EML5: variants seen among roughly 807,000 people sequenced by gnomAD.
The protein encoded by EML5 is echinoderm microtubule-associated protein-like 5.
A neutral mutation model predicts 250.0 loss-of-function variants in EML5; 120 were observed. That is an observed-to-expected ratio of 0.48 (90% CI 0.41 to 0.56). EML5 has a LOEUF of 0.56. Among genes scored for constraint, EML5 ranks in the 20% least tolerant of loss-of-function variants. EML5 has a pLI of 0.00. For missense variants in EML5, 2,006 were observed against 2,437.6 expected, an observed-to-expected ratio of 0.82 and a Z score of 3.73; for synonymous variants, 771 against 806.5, an observed-to-expected ratio of 0.96 and a Z score of 0.75.
intron 20 of EML5, among the ~76,000 whole-genome samples, chr14:88,684,754 C>A (rs1328850892): frequency 6.6e-6 from 1 of 151,864 alleles, no homozygotes; most frequent in East Asian, 1.9e-4. Flanking sequence ...TATTTACTGA[C>A]ACCCAATCAT....
intron 21 of EML5, among the ~76,000 whole-genome samples, chr14:88,679,882 T>C (rs572313171): frequency 9.2e-5 from 14 of 152,252 alleles, no homozygotes; most frequent in East Asian, 5.8e-4. Flanking sequence ...GAATAGTGTA[T>C]AGTATAGTGT....
chr14:88,718,187 T>C (rs2093532775), intron 8 of EML5, among the ~76,000 whole-genome samples: 1 of 152,180 alleles, frequency 6.6e-6, no homozygotes, highest in Non-Finnish European at 1.5e-5. Context: ...GTTTTGGAAA[T>C]GCTGAGTTGC....
At chr14:88,732,773 T>C (rs1382544011) in intron 7 of EML5, among the ~76,000 whole-genome samples, 2 of 152,214 alleles carry the variant, frequency 1.3e-5, no homozygotes, top group Non-Finnish European at 2.9e-5. Context: ...TTTTCTGATC[T>C]CAGAACCAAG....
Position 88,615,643 on chromosome 14 carries a change from G to C in EML5, c.*175C>G, listed in dbSNP as rs2087475160. The C allele has an allele frequency of 3.3e-6, 2 of 601,766 alleles. No homozygotes were observed. The highest frequency in any genetic ancestry group is 6.6e-5 in the Admixed American group (2 of 30,456). 37.3% of individuals were successfully genotyped at this position (601,766 alleles called of 1,614,324 possible). On this transcript the variant is annotated 3_prime_UTR_variant, in exon 44 of 44. Transcript: ENST00000554922. ...GTGTATGGATTACGGATTATACCCA[G>C]TGCATATAGCAAATATTTTGAACAG...
rs558418867 is a variant in EML5, at chr14:88,662,744, C to T, written c.3498+287G>A. On this transcript the variant is annotated intron_variant, in intron 24 of 43. Coordinates refer to ENST00000554922, the MANE Select transcript of EML5 (RefSeq NM_183387.3). ...TTTTTTTGTAGAGATGGGGTTTCAG[C>T]ATGTTATCCAGTCTGGTCTTGAACT... Among the ~76,000 whole-genome samples the T allele has an allele frequency of 5.3e-5, 8 of 151,800 alleles. No individual in the cohort carries two copies. In the South Asian group the frequency reaches 1.2e-3, roughly 24 times the overall value.
chr14:88,738,840 A>C, intron 6 of EML5, 39 bp downstream of exon 6: 2 of 1,535,024 alleles, frequency 1.3e-6, no homozygotes, highest in Non-Finnish European at 1.8e-6. Context: ...TGGGAAGTTT[A>C]GAGTTTGCCT....
chr14:88,634,583 A>G (rs1056308192), intron 32 of EML5, 94 bp from the exon 33 acceptor site: 1 of 694,990 alleles, frequency 1.4e-6, no homozygotes, highest in African/African-American at 1.9e-5. Flanking sequence ...ACTATTATAT[A>G]CAAAATTGGT....
chr14:88,672,619 T>C (rs907832733), intron 21 of EML5, among the ~76,000 whole-genome samples: 1 of 151,866 alleles, frequency 6.6e-6, no homozygotes, highest in Non-Finnish European at 1.5e-5. Context: ...GGGCCGGTTT[T>C]TGAAAAAAAT....
chr14:88,738,964 G>C lies in EML5; in HGVS notation c.762C>G (p.Gly254=). The C allele has an allele frequency of 1.2e-6, 2 of 1,608,724 alleles. No individual in the cohort carries two copies. The highest frequency in any genetic ancestry group is 1.7e-6 in the Non-Finnish European group (2 of 1,177,812). ...CCCAAAGACGAATACAACCATCTCT[G>C]CCACCAGTAGCAAAGCCTTCTTCAC... ...NACEEGFATG[G]RDGCIRLWDL... The change falls in exon 6 of 44, where the codon GGC becomes GGG. Residue 254 remains glycine (G), a synonymous_variant. Coordinates refer to ENST00000554922, the MANE Select transcript of EML5 (RefSeq NM_183387.3).
chr14:88,639,654 G>A (rs529630619), intron 31 of EML5, among the ~76,000 whole-genome samples: 3 of 152,238 alleles, frequency 2.0e-5, no homozygotes, highest in South Asian at 4.2e-4. Context: ...CTGGCTCATT[G>A]CAACCTCCAC....
At chr14:88,616,281 C>A (rs776652203) in intron 42 of EML5, 39 bp from the exon 43 acceptor site, 1 of 1,584,622 alleles carries the variant, frequency 6.3e-7, no homozygotes, top group Admixed American at 1.7e-5. Flanking sequence ...GCATTTGGTG[C>A]ACACAGAAGT....
At chr14:88,701,227 T>C (rs2093202812) in intron 14 of EML5, among the ~76,000 whole-genome samples, 2 of 152,134 alleles carry the variant, frequency 1.3e-5, no homozygotes, top group Non-Finnish European at 2.9e-5. Context: ...CTCAGGGAAG[T>C]GGGTGTTCCT....
At chr14:88,736,639 T>G in intron 6 of EML5, 74 bp from the exon 7 acceptor site, 2 of 1,445,658 alleles carry the variant, frequency 1.4e-6, no homozygotes, top group Non-Finnish European at 1.9e-6. Context: ...CAAATCCCTA[T>G]GCAGATAGGG....
intron 1 of EML5, among the ~76,000 whole-genome samples, chr14:88,775,226 A>T (rs1651286049): frequency 6.6e-6 from 1 of 152,222 alleles, no homozygotes; most frequent in Admixed American, 6.5e-5. Flanking sequence ...TTTGCTTGAG[A>T]AAAGCGGAGT....
chr14:88,739,062 A>G (rs1369129393), intron 5 of EML5, 48 bp from the exon 6 acceptor site: 5 of 1,528,156 alleles, frequency 3.3e-6, no homozygotes, highest in Non-Finnish European at 4.4e-6. Context: ...TTTTAAGAAC[A>G]TCTACTATAT....
chr14:88,694,504 G>T, intron 16 of EML5, 97 bp from the exon 17 acceptor site: 1 of 842,042 alleles, frequency 1.2e-6, no homozygotes, highest in Non-Finnish European at 1.8e-6. Context: ...CTCTATTTAC[G>T]AATATTTTAC....
intron 33 of EML5, 97 bp from the exon 34 acceptor site, chr14:88,627,916 G>A: frequency 8.8e-7 from 1 of 1,135,086 alleles, no homozygotes; most frequent in Non-Finnish European, 1.3e-6. Flanking sequence ...ATGGACAAAT[G>A]TGTACCAAAC....
chr14:88,751,908 T>A (rs950239652), intron 2 of EML5, among the ~76,000 whole-genome samples: 5 of 152,158 alleles, frequency 3.3e-5, no homozygotes, highest in African/African-American at 1.2e-4. Flanking sequence ...CCATAAAAAA[T>A]TTTAGCACAT....
intron 17 of EML5, among the ~76,000 whole-genome samples, chr14:88,693,574 A>G (rs1006205421): frequency 1.3e-5 from 2 of 152,186 alleles, no homozygotes; most frequent in Admixed American, 6.5e-5. Context: ...CAGTCAAACC[A>G]TATCAACTAC....
Sources: gnomAD v4.1 joint callset for allele counts (sites outside exome capture counted in the v4.1 genomes callset) on GRCh38, gnomAD v4.1.1 for gene constraint, MANE v1.5 for transcripts, NCBI Gene and HGNC (gene_info 2026-07-23, HGNC 2026-07-21) for gene names.